PCM1: variants seen among roughly 807,000 people sequenced by gnomAD.
PCM1 encodes the protein pericentriolar material 1, also known as pericentriolar material 1 protein.
PCM1 carries 157 observed loss-of-function variants against 241.9 expected under a neutral mutation model. That is an observed-to-expected ratio of 0.65 (90% confidence interval 0.57 to 0.74). PCM1 has a LOEUF of 0.74. Among genes scored for constraint, PCM1 ranks in the 30% least tolerant of loss-of-function variants. The pLI is 0.00. For missense variants in PCM1, 3,478 were observed against 2,360.1 expected (o/e 1.47, Z -9.81); for synonymous variants, 1,085 against 784.9 (o/e 1.38, Z -6.39).
chr8:17,947,644 T>A (rs1051530599), intron 7 of PCM1, among the ~76,000 whole-genome samples: 2 of 152,220 alleles, frequency 1.3e-5, no homozygotes, highest in Admixed American at 6.5e-5. Context: ...TCTGTTTTTG[T>A]ACCTCAGACT....
intron 38 of PCM1, among the ~76,000 whole-genome samples, chr8:18,026,817 C>T (rs892263645): frequency 6.6e-6 from 1 of 152,144 alleles, no homozygotes; most frequent in Non-Finnish European, 1.5e-5. Flanking sequence ...TGCTCCTCCT[C>T]TGCTTTCTTC....
chr8:18,020,268 A>T (rs1465378031), intron 36 of PCM1, among the ~76,000 whole-genome samples: 2 of 152,222 alleles, frequency 1.3e-5, no homozygotes, highest in African/African-American at 4.8e-5. Flanking sequence ...TTGTCAGAGC[A>T]TATCCAAACC....
At chr8:18,019,892 C>G (rs979838188) in intron 36 of PCM1, among the ~76,000 whole-genome samples, 2 of 152,176 alleles carry the variant, frequency 1.3e-5, no homozygotes, top group Non-Finnish European at 2.9e-5. Context: ...GAGAATTTTC[C>G]TCTTAACTGA....
chr8:17,937,949 T>A (rs2060893221), intron 4 of PCM1, among the ~76,000 whole-genome samples: 1 of 152,190 alleles, frequency 6.6e-6, no homozygotes, highest in Non-Finnish European at 1.5e-5. Context: ...TATCATTTAT[T>A]TATATCTATT....
chr8:17,985,953 AT>A lies in PCM1; in HGVS notation c.4282-3del. On this transcript the variant is annotated splice_polypyrimidine_tract_variant and splice_region_variant and intron_variant, in intron 25 of 38. Coordinates refer to ENST00000325083, the MANE Select transcript of PCM1 (RefSeq NM_006197.4). ...ATATAAATGATGATCTTATTTTCTT[AT>A]TTAGGACATAGTATCCAGACATATT... The A allele has an allele frequency of 6.6e-7, 1 of 1,506,036 alleles. No individual in the cohort carries two copies. The highest frequency in any genetic ancestry group is 9.1e-7 in the Non-Finnish European group (1 of 1,103,462). 93.3% of individuals were successfully genotyped at this position (1,506,036 alleles called of 1,614,324 possible). A position where few individuals can be genotyped will look rare whatever the true frequency, so the allele number is the denominator to read the frequency against.
chr8:17,950,745 T>C, intron 8 of PCM1, 21 bp downstream of exon 8: 1 of 1,297,648 alleles, frequency 7.7e-7, no homozygotes, highest in Non-Finnish European at 1.1e-6. Flanking sequence ...TGTTTTAGTA[T>C]AGTTGAGTTT....
At chr8:17,997,472 A>T (rs183384426) in intron 29 of PCM1, among the ~76,000 whole-genome samples, 2 of 151,960 alleles carry the variant, frequency 1.3e-5, no homozygotes, top group Non-Finnish European at 2.9e-5. Flanking sequence ...TAAGGCCAAT[A>T]ACTTAGATTT....
At chr8:17,983,149 T>C (rs986095742) in intron 24 of PCM1, 4 of 540,204 alleles carry the variant, frequency 7.4e-6, no homozygotes, top group African/African-American at 6.0e-5. Flanking sequence ...TTTCTTTTTT[T>C]CATTCACTTA....
Position 17,966,948 on chromosome 8 carries a change from G to C in PCM1, c.3222-32G>C, listed in dbSNP as rs762485942. 3.2e-6 allele frequency: 5 copies of C among 1,552,638 alleles called. No individual in the cohort carries two copies. In the East Asian group the frequency reaches 1.2e-4, roughly 36 times the overall value. On this transcript the variant is annotated intron_variant, in intron 20 of 38. Coordinates refer to ENST00000325083, the MANE Select transcript of PCM1 (RefSeq NM_006197.4). ...ACTTTATATATATGGCAATATAACTGATTCTTAGATTACTGACTTAAATCT... is the reference window on the plus strand; with the variant it reads ...ACTTTATATATATGGCAATATAACTCATTCTTAGATTACTGACTTAAATCT...
chr8:17,924,782 T>C lies in PCM1; in HGVS notation c.-23+2T>C, dbSNP rs2056238884. 1 of 152,222 alleles carries C rather than the reference T, an allele frequency of 6.6e-6. No homozygotes were observed. Among genetic ancestry groups the C allele is most frequent in the South Asian group, 2.1e-4 (1 of 4,830 alleles). 9.4% of individuals were successfully genotyped at this position (152,222 alleles called of 1,614,324 possible). A position where few individuals can be genotyped will look rare whatever the true frequency, so the allele number is the denominator to read the frequency against. On this transcript the variant is annotated splice_donor_variant, in intron 2 of 38. Coordinates refer to ENST00000325083, the MANE Select transcript of PCM1 (RefSeq NM_006197.4). LOFTEE classifies it low-confidence loss of function (5UTR_SPLICE). ...CTGCAAAAACTAGTTTCTAAACAGG[T>C]AATTTGACATTATTATCTGTATTAT...
chr8:17,973,735 T>G (rs574189038), intron 23 of PCM1, among the ~76,000 whole-genome samples: 5 of 151,022 alleles, frequency 3.3e-5, no homozygotes, highest in African/African-American at 1.2e-4. Flanking sequence ...AAAAAAAAAT[T>G]GGTGTTTAAG....
rs1269389096 is a variant in PCM1 at position 17,985,571 on chromosome 8, G to C, written c.4233G>C (p.Gln1411His). ...HFLIELFHEL[Q>H]LLNTDYLRQR... is the part of the protein sequence containing the mutation. ...TTATTGAACTCTTCCATGAGCTGCA[G>C]CTACTAAACACAGACTACTTGAGAC... is the stretch of plus-strand genomic sequence containing the variant. The change falls in exon 25 of 39, where the codon CAG (glutamine) becomes CAC (histidine). Residue 1411 changes from glutamine (Q) to histidine (H), a missense_variant. Transcript: ENST00000325083. The C allele has an allele frequency of 1.2e-6, 2 of 1,607,114 alleles. No homozygotes were observed. Among genetic ancestry groups the C allele is most frequent in the Non-Finnish European group, 8.5e-7 (1 of 1,176,312 alleles).
At chr8:17,924,172 A>G (rs1440043624) in intron 1 of PCM1, among the ~76,000 whole-genome samples, 1 of 152,004 alleles carries the variant, frequency 6.6e-6, no homozygotes, top group Non-Finnish European at 1.5e-5. Flanking sequence ...TGGGTGTTGC[A>G]GAGCCTCGGG....
rs1422174753 is a variant in PCM1, at chr8:17,989,781, C to G, written c.4411-78C>G. The G allele has an allele frequency of 3.1e-6, 3 of 979,472 alleles. No individual in the cohort carries two copies. In the African/African-American group the frequency reaches 5.0e-5, roughly 16 times the overall value. 60.7% of individuals were successfully genotyped at this position (979,472 alleles called of 1,614,324 possible). Reference sequence around the variant, plus strand: ...TTAAGTGTACAATTTTATGTAAATACTTAGTTATCTCTGTTAGATTATTAA... The same window carrying G: ...TTAAGTGTACAATTTTATGTAAATAGTTAGTTATCTCTGTTAGATTATTAA... On this transcript the variant is annotated intron_variant, in intron 26 of 38. Coordinates refer to ENST00000325083, the MANE Select transcript of PCM1 (RefSeq NM_006197.4).
At chr8:17,985,420 A>T in intron 24 of PCM1, 27 bp from the exon 25 acceptor site, 1 of 1,508,880 alleles carries the variant, frequency 6.6e-7, no homozygotes, top group Non-Finnish European at 8.9e-7. Context: ...CATCAATATT[A>T]ACTTTCTGGT....
At chr8:18,013,416 T>C (rs1295024664) in intron 34 of PCM1, among the ~76,000 whole-genome samples, 1 of 152,200 alleles carries the variant, frequency 6.6e-6, no homozygotes, top group African/African-American at 2.4e-5. Flanking sequence ...CTCACTAGTT[T>C]AATTTCTCTA....
chr8:17,999,564 C>G (rs1007211869), intron 29 of PCM1, among the ~76,000 whole-genome samples: 4 of 149,638 alleles, frequency 2.7e-5, no homozygotes, highest in African/African-American at 1.0e-4. Context: ...TTACTCCTTG[C>G]TCTCGTCTCC....
At position 18,005,357 on chromosome 8, in the gene PCM1, G is replaced by GTTTT. The variant is rs57492553; in HGVS notation, c.4828-894_4828-891dup. ...CAGGGACAGTTGTGTTGTTGTTGTT[G>GTTTT]TTTTTTTTTTTTTTTAAATCGCCTG... On this transcript the variant is annotated intron_variant, in intron 29 of 38. Coordinates refer to ENST00000325083, the MANE Select transcript of PCM1 (RefSeq NM_006197.4). Among the ~76,000 whole-genome samples the GTTTT allele has an allele frequency of 6.4e-5, 9 of 141,292 alleles. No homozygotes were observed. In the East Asian group the frequency reaches 1.9e-3, roughly 30 times the overall value. 92.7% of individuals were successfully genotyped at this position (141,292 alleles called of 152,430 possible). A position where few individuals can be genotyped will look rare whatever the true frequency, so the allele number is the denominator to read the frequency against.
intron 29 of PCM1, among the ~76,000 whole-genome samples, chr8:18,005,617 G>C (rs948795900): frequency 3.3e-5 from 5 of 152,066 alleles, no homozygotes; most frequent in Non-Finnish European, 7.4e-5. Context: ...ATATTATTTT[G>C]TAGCTCACAC....
Sources: allele counts gnomAD v4.1 joint callset (sites outside exome capture counted in the v4.1 genomes callset), GRCh38; gene constraint gnomAD v4.1.1; transcripts MANE v1.5; gene names NCBI Gene and HGNC (gene_info 2026-07-23, HGNC 2026-07-21).